The following MAPK6 variants were observed in gnomAD, a reference collection of about 807,000 sequenced individuals.
MAPK6 encodes ERK-3.
Under a neutral mutation model 59.3 loss-of-function variants are expected in MAPK6, and 19 were observed. That is an observed-to-expected ratio of 0.32 (90% CI 0.22 to 0.47). The LOEUF (loss-of-function observed/expected upper bound fraction) is 0.47, where lower values mean the gene tolerates loss of function less well. Among genes scored for constraint, MAPK6 ranks in the 20% least tolerant of loss-of-function variants. The pLI, the probability that MAPK6 is intolerant of heterozygous loss-of-function variation, is 1.00. For synonymous variants in MAPK6, 316 were observed against 290.3 expected (o/e 1.09, Z -0.90); for missense variants, 724 against 847.9 (o/e 0.85, Z 1.81).
chr15:52,023,304 G>C (rs1341091449), intron 1 of MAPK6, among the ~76,000 whole-genome samples: 1 of 152,156 alleles, frequency 6.6e-6, no homozygotes, highest in Non-Finnish European at 1.5e-5. Flanking sequence ...AGTAAATTCT[G>C]TGTGGCATTG....
upstream of MAPK6, chr15:52,017,081 A>C (rs1274403119): frequency 6.5e-6 from 1 of 153,900 alleles, no homozygotes; most frequent in Non-Finnish European, 1.4e-5. Context: ...AACAAACAAA[A>C]ACCAGATCCC....
At chr15:52,048,256 TCTC>T (rs923816754) in intron 2 of MAPK6, among the ~76,000 whole-genome samples, 2 of 151,978 alleles carry the variant, frequency 1.3e-5, no homozygotes, top group Admixed American at 1.3e-4. Context: ...TTCAAGCAGT[TCTC>T]CTGCCTCAGC....
chr15:52,016,070 G>GCGCACACACACA, upstream of MAPK6, among the ~76,000 whole-genome samples: 147 of 55,442 alleles, frequency 2.7e-3, 3 homozygotes, highest in African/African-American at 3.5e-3. Context: ...GCGCGCGCGC[G>GCGCACACACACA]CACACACACA....
chr15:52,042,609 A>G (rs989422684), intron 1 of MAPK6: 2 of 152,314 alleles, frequency 1.3e-5, no homozygotes, highest in Admixed American at 6.5e-5. Flanking sequence ...TAATCTGGCT[A>G]CAACTCCTAC....
intron 1 of MAPK6, among the ~76,000 whole-genome samples, chr15:52,024,000 G>A (rs1489921964): frequency 6.6e-6 from 1 of 152,138 alleles, no homozygotes; most frequent in East Asian, 1.9e-4. Context: ...TGTTTGTATA[G>A]CAAATACAAT....
intron 1 of MAPK6, among the ~76,000 whole-genome samples, chr15:52,045,404 T>C (rs2031565939): frequency 6.6e-6 from 1 of 152,262 alleles, no homozygotes; most frequent in African/African-American, 2.4e-5. Flanking sequence ...CATTGGATAT[T>C]GATAGGCATA....
At chr15:52,021,939 A>T (rs1319098156) in intron 1 of MAPK6, among the ~76,000 whole-genome samples, 6 of 152,174 alleles carry the variant, frequency 3.9e-5, no homozygotes, top group African/African-American at 1.2e-4. Flanking sequence ...CTTGGTAATA[A>T]GATAAATCTT....
upstream of MAPK6, among the ~76,000 whole-genome samples, chr15:52,016,083 C>CAA: frequency 7.2e-6 from 1 of 139,440 alleles, no homozygotes; most frequent in East Asian, 2.3e-4. Context: ...CACACACACA[C>CAA]ACACACACAC....
At chr15:52,016,070 G>GCGCGCGCGCACACACACACA, upstream of MAPK6, among the ~76,000 whole-genome samples, 79 of 55,430 alleles carry the variant, frequency 1.4e-3, 1 homozygote, top group South Asian at 2.2e-3. Flanking sequence ...GCGCGCGCGC[G>GCGCGCGCGCACACACACACA]CACACACACA....
rs1353154778 is a variant in MAPK6, at chr15:51,980,792, A to ATGTTGG, written c.-879-2413_-879-2408dup. On this transcript the variant is annotated intron_variant, in intron 1 of 7. Coordinates refer to the MAPK6 transcript ENST00000691380. ...TTTTTAGTAGAGATGGGGTTTCACC[A>ATGTTGG]TGTTGGCCAGGTTAGCCTTGAACTC... Among the ~76,000 whole-genome samples the ATGTTGG allele has an allele frequency of 2.0e-5, 3 of 151,114 alleles. No homozygotes were observed. In the East Asian group the frequency reaches 5.9e-4, roughly 30 times the overall value.
intron 1 of MAPK6, among the ~76,000 whole-genome samples, chr15:52,021,168 A>G (rs1317687729): frequency 6.6e-6 from 1 of 152,230 alleles, no homozygotes; most frequent in African/African-American, 2.4e-5. Context: ...TAATGTTAGC[A>G]CTAAAAGTGT....
chr15:52,065,391 A>AAT lies in MAPK6; in HGVS notation c.*394_*395dup. 1 of 158,140 alleles carries AAT rather than the reference A, an allele frequency of 6.3e-6. No individual in the cohort carries two copies. The highest frequency in any genetic ancestry group is 1.8e-4 in the East Asian group (1 of 5,410). The allele number at this position is 158,140 out of a possible 1,614,324, so 9.8% of individuals were successfully genotyped here. On this transcript the variant is annotated 3_prime_UTR_variant, in exon 6 of 6. Transcript: ENST00000261845. ...TTTCCTAAGACATTTTTCATTCATGAATATTTTCAAGTTTTTCATACTGTA... is the reference window on the plus strand; with the variant it reads ...TTTCCTAAGACATTTTTCATTCATGAATATATTTTCAAGTTTTTCATACTGTA...
At chr15:52,003,594 G>A (rs1449268338) in intron 2 of MAPK6, among the ~76,000 whole-genome samples, 1 of 152,154 alleles carries the variant, frequency 6.6e-6, no homozygotes, top group Non-Finnish European at 1.5e-5. Flanking sequence ...TCCACCACAG[G>A]TATCATGTCA....
intron 1 of MAPK6, among the ~76,000 whole-genome samples, chr15:52,031,266 T>C (rs2031022801): frequency 6.6e-6 from 1 of 152,172 alleles, no homozygotes; most frequent in Non-Finnish European, 1.5e-5. Flanking sequence ...AAATATACTC[T>C]ACTCAAAAGG....
chr15:51,995,307 G>T (rs370189739), intron 2 of MAPK6, among the ~76,000 whole-genome samples: 14 of 152,324 alleles, frequency 9.2e-5, no homozygotes, highest in African/African-American at 3.4e-4. Context: ...TTGATCAGCT[G>T]CTGGATGCAG....
At chr15:52,002,166 T>C (rs937723962) in intron 2 of MAPK6, among the ~76,000 whole-genome samples, 3 of 152,200 alleles carry the variant, frequency 2.0e-5, no homozygotes, top group Non-Finnish European at 4.4e-5. Context: ...TCCTAGAGCT[T>C]CAACAGAGGT....
Position 52,053,070 on chromosome 15 carries a change from G to GTT in MAPK6, c.700+2952_700+2953dup, listed in dbSNP as rs140172832. 1.7e-3 allele frequency among the ~76,000 whole-genome samples: 218 copies of GTT among 125,308 alleles called. 2 individuals carry two copies. Among genetic ancestry groups the GTT allele is most frequent in the Admixed American group, 4.5e-3 (55 of 12,258 alleles). The allele number at this position is 125,308 out of a possible 152,430, so 82.2% of individuals were successfully genotyped here. A position where few individuals can be genotyped will look rare whatever the true frequency, so the allele number is the denominator to read the frequency against. ...GGGTATGAAGTAGTATCTCATTGTG[G>GTT]TTTTTTTTTTTTTTTTTTTTGAGAC... is the stretch of plus-strand genomic sequence containing the variant. On this transcript the variant is annotated intron_variant, in intron 3 of 5. Coordinates refer to ENST00000261845, the MANE Select transcript of MAPK6 (RefSeq NM_002748.4).
At chr15:52,007,593 T>C (rs1336302383) in intron 3 of MAPK6, among the ~76,000 whole-genome samples, 1 of 152,124 alleles carries the variant, frequency 6.6e-6, no homozygotes, top group African/African-American at 2.4e-5. Flanking sequence ...TATAAGATCA[T>C]TTAATTCCTG....
chr15:51,982,299 G>A (rs535650572), intron 1 of MAPK6, among the ~76,000 whole-genome samples: 3 of 152,284 alleles, frequency 2.0e-5, no homozygotes, highest in East Asian at 1.9e-4. Context: ...CTGCTGGCAC[G>A]CAGGCTGCAT....
Sources: allele counts gnomAD v4.1 joint callset (sites outside exome capture counted in the v4.1 genomes callset), GRCh38; gene constraint gnomAD v4.1.1; transcripts MANE v1.5; gene names NCBI Gene and HGNC (gene_info 2026-07-23, HGNC 2026-07-21).